FAM81A: variants seen among roughly 807,000 people sequenced by gnomAD.
The protein encoded by FAM81A is protein FAM81A.
A neutral mutation model predicts 46.7 loss-of-function variants in FAM81A; 19 were observed. The ratio of observed to expected loss-of-function variants is 0.41; its 90% confidence interval spans 0.28 to 0.60. The LOEUF (loss-of-function observed/expected upper bound fraction) is 0.60, where lower values mean the gene tolerates loss of function less well. FAM81A is among the 20% of genes least tolerant of loss of function. FAM81A has a pLI of 0.34. For missense variants in FAM81A, 377 were observed against 453.5 expected, an observed-to-expected ratio of 0.83 and a Z score of 1.53; for synonymous variants, 183 against 152.9, an observed-to-expected ratio of 1.20 and a Z score of -1.45.
At chr15:59,447,086 G>T (rs2081361191) in intron 1 of FAM81A, among the ~76,000 whole-genome samples, 1 of 152,184 alleles carries the variant, frequency 6.6e-6, no homozygotes, top group African/African-American at 2.4e-5. Flanking sequence ...GAATAAAAAT[G>T]TACCCAGTGC....
At chr15:59,462,864 T>G (rs1407293190) in intron 3 of FAM81A, among the ~76,000 whole-genome samples, 2 of 152,218 alleles carry the variant, frequency 1.3e-5, no homozygotes, top group African/African-American at 4.8e-5. Flanking sequence ...ATTGGGTTAT[T>G]TGTCATATTA....
chr15:59,473,192 G>T (rs536632318), intron 3 of FAM81A, among the ~76,000 whole-genome samples: 1 of 152,056 alleles, frequency 6.6e-6, no homozygotes, highest in Non-Finnish European at 1.5e-5. Flanking sequence ...TTCACTCTCC[G>T]CAATTTCAGT....
chr15:59,403,470 G>A (rs774903376), intron 2 of FAM81A, among the ~76,000 whole-genome samples: 3 of 152,194 alleles, frequency 2.0e-5, no homozygotes, highest in Admixed American at 6.5e-5. Flanking sequence ...GAGGGGTCTC[G>A]TCAGAACCCA....
chr15:59,436,796 A>G (rs1326040128), upstream of FAM81A, among the ~76,000 whole-genome samples: 2 of 152,110 alleles, frequency 1.3e-5, no homozygotes, highest in African/African-American at 2.4e-5. Context: ...AGCACTAAAG[A>G]GATGCTGTTA....
chr15:59,467,525 A>G (rs954216275), intron 3 of FAM81A, among the ~76,000 whole-genome samples: 1 of 152,164 alleles, frequency 6.6e-6, no homozygotes. Context: ...TTAATGGTGT[A>G]TAGGAATGCT....
rs544129474 is a variant in FAM81A, at chr15:59,414,380, A to G, written c.-78+12022A>G. On this transcript the variant is annotated intron_variant, in intron 2 of 4. Coordinates refer to the FAM81A transcript ENST00000558348. ...ACAACAGGCAGATTAACAGGAGAAA[A>G]GTTATACAAATGTACTGTGTGCATG... is the stretch of plus-strand genomic sequence containing the variant. 5.9e-5 allele frequency among the ~76,000 whole-genome samples: 9 copies of G among 152,326 alleles called. No individual in the cohort carries two copies. In the South Asian group the frequency reaches 1.7e-3, roughly 28 times the overall value.
intron 1 of FAM81A, among the ~76,000 whole-genome samples, chr15:59,456,732 C>T (rs1057198818): frequency 3.9e-5 from 6 of 152,046 alleles, no homozygotes; most frequent in East Asian, 1.9e-4. Flanking sequence ...TGCATCAATA[C>T]GCCTGGCTAA....
chr15:59,498,717 G>A (rs2082059673), intron 4 of FAM81A, among the ~76,000 whole-genome samples: 1 of 152,066 alleles, frequency 6.6e-6, no homozygotes, highest in African/African-American at 2.4e-5. Context: ...GAAGAGGTGC[G>A]ATCTTGGCTC....
chr15:59,439,172 G>C (rs2081270407), intron 1 of FAM81A: 1 of 151,650 alleles, frequency 6.6e-6, no homozygotes, highest in South Asian at 2.1e-4. Flanking sequence ...GTCTGCGTAC[G>C]GCAGTGTTGG....
At chr15:59,416,600 A>G (rs1292608682) in intron 2 of FAM81A, among the ~76,000 whole-genome samples, 1 of 152,166 alleles carries the variant, frequency 6.6e-6, no homozygotes, top group Non-Finnish European at 1.5e-5. Flanking sequence ...GGGCATCAAC[A>G]TCATCTGCTA....
intron 1 of FAM81A, among the ~76,000 whole-genome samples, chr15:59,445,966 A>T (rs4620906): frequency 0.37 from 55,895 of 152,150 alleles, 11,804 homozygotes; most frequent in Non-Finnish European, 0.47. Flanking sequence ...GGTGACCTCC[A>T]GCCTTCCGCC....
intron 2 of FAM81A, chr15:59,407,577 A>G (rs546742915): frequency 8.9e-4 from 141 of 158,414 alleles, no homozygotes; most frequent in Non-Finnish European, 1.7e-3. Context: ...TTACAGGTGT[A>G]AGCCACCACA....
chr15:59,403,690 C>CAA (rs2081081701), intron 2 of FAM81A, among the ~76,000 whole-genome samples: 1 of 151,942 alleles, frequency 6.6e-6, no homozygotes, highest in Non-Finnish European at 1.5e-5. Context: ...CAGTGGAGAT[C>CAA]TGGTTAGAGT....
At chr15:59,434,603 G>T (rs1175862895), upstream of FAM81A, among the ~76,000 whole-genome samples, 1 of 152,066 alleles carries the variant, frequency 6.6e-6, no homozygotes, top group Non-Finnish European at 1.5e-5. Context: ...TACATCTCTG[G>T]GTCTTCCTCA....
intron 3 of FAM81A, among the ~76,000 whole-genome samples, chr15:59,485,341 C>T (rs1003478900): frequency 1.3e-5 from 2 of 152,188 alleles, no homozygotes; most frequent in Non-Finnish European, 2.9e-5. Context: ...AGGTCAGACC[C>T]ATCAGAGTCC....
intron 1 of FAM81A, among the ~76,000 whole-genome samples, chr15:59,453,734 CAA>C (rs1330923408): frequency 7.7e-6 from 1 of 130,672 alleles, no homozygotes; most frequent in Non-Finnish European, 1.7e-5. Context: ...GTGGGGAAAG[CAA>C]AAAAAAAAAA....
intron 2 of FAM81A, among the ~76,000 whole-genome samples, chr15:59,458,926 AT>A (rs1293347219): frequency 2.0e-5 from 3 of 152,258 alleles, no homozygotes; most frequent in Non-Finnish European, 4.4e-5. Flanking sequence ...AGCTTTTTAA[AT>A]CAGAAGTTGC....
intron 3 of FAM81A, among the ~76,000 whole-genome samples, chr15:59,486,626 G>C (rs765455143): frequency 3.3e-5 from 5 of 152,104 alleles, no homozygotes; most frequent in Non-Finnish European, 7.4e-5. Context: ...ACTCCCAGAG[G>C]TCAAGGATAA....
chr15:59,471,988 G>T (rs895477711), intron 3 of FAM81A, among the ~76,000 whole-genome samples: 1 of 152,134 alleles, frequency 6.6e-6, no homozygotes, highest in East Asian at 1.9e-4. Flanking sequence ...TGTTGCTTTG[G>T]TGCCTTATGG....
Sources: allele counts gnomAD v4.1 joint callset (sites outside exome capture counted in the v4.1 genomes callset), GRCh38; gene constraint gnomAD v4.1.1; transcripts MANE v1.5; gene names NCBI Gene and HGNC (gene_info 2026-07-23, HGNC 2026-07-21).